The following CNTN3 variants were observed in gnomAD, a reference collection of about 807,000 sequenced individuals.
CNTN3 encodes the protein contactin 3, also known as contactin-3.
A neutral mutation model predicts 119.1 loss-of-function variants in CNTN3; 60 were observed. The ratio of observed to expected loss-of-function variants is 0.50; its 90% confidence interval spans 0.41 to 0.62. The LOEUF (loss-of-function observed/expected upper bound fraction) is 0.62, where lower values mean the gene tolerates loss of function less well. Ranked by LOEUF, CNTN3 falls within the 20% of genes least tolerant of loss-of-function variation. The probability of loss-of-function intolerance (pLI) is 0.00; values close to 1 mark genes in which losing one functional copy is unlikely to be tolerated. For missense variants in CNTN3, 1,101 were observed against 1,242.4 expected (o/e 0.89, Z 1.71); for synonymous variants, 450 against 438.7 (o/e 1.03, Z -0.32).
chr3:74,389,626 C>T (rs1704843014), intron 5 of CNTN3, among the ~76,000 whole-genome samples: 1 of 152,138 alleles, frequency 6.6e-6, no homozygotes, highest in South Asian at 2.1e-4. Context: ...ACCATCCCAT[C>T]AGGTAGTAGG....
At chr3:74,327,405 G>C (rs1183685445) in intron 13 of CNTN3, among the ~76,000 whole-genome samples, 1 of 152,012 alleles carries the variant, frequency 6.6e-6, no homozygotes, top group Non-Finnish European at 1.5e-5. Flanking sequence ...TCGTATTACA[G>C]GCATGAGCCA....
At chr3:74,303,853 C>T (rs144831731) in intron 13 of CNTN3, among the ~76,000 whole-genome samples, 2 of 152,180 alleles carry the variant, frequency 1.3e-5, no homozygotes, top group African/African-American at 4.8e-5. Context: ...AAATGACTAA[C>T]TGCAAGCCAG....
In CNTN3 at chr3:74,308,704, A is replaced by G. The variant is rs184443564; in HGVS notation, c.1669-5897T>C. On this transcript the variant is annotated intron_variant, in intron 13 of 22. Coordinates refer to ENST00000263665, the MANE Select transcript of CNTN3 (RefSeq NM_020872.3). ...GGATGCCTAGTCTGCTGTCCCAGCAATCTTAACCCAGTGTTTTCTACACTT... is the reference window on the plus strand; with the variant it reads ...GGATGCCTAGTCTGCTGTCCCAGCAGTCTTAACCCAGTGTTTTCTACACTT... Among the ~76,000 whole-genome samples, 84 of 152,204 alleles carry G rather than the reference A, an allele frequency of 5.5e-4. 2 individuals carry two copies. Among genetic ancestry groups the G allele is most frequent in the South Asian group, 4.1e-4 (2 of 4,820 alleles).
chr3:74,534,063 T>A (rs1229115757), intron 1 of CNTN3, among the ~76,000 whole-genome samples: 1 of 152,004 alleles, frequency 6.6e-6, no homozygotes, highest in African/African-American at 2.4e-5. Context: ...TCAGCTACCA[T>A]CCAGCCTGGC....
rs180722657 is a variant in CNTN3 at position 74,502,002 on chromosome 3, C to T, written c.56-2217G>A. On this transcript the variant is annotated intron_variant, in intron 2 of 22. Coordinates refer to ENST00000263665, the MANE Select transcript of CNTN3 (RefSeq NM_020872.3). ...AATTGAATTTATTGTCCTAGAAAGT[C>T]GAAAATATTTGTGATGTCTTTTTAC... 1.4e-3 allele frequency among the ~76,000 whole-genome samples: 212 copies of T among 152,038 alleles called. 1 individual carries two copies. The highest frequency in any genetic ancestry group is 2.6e-3 in the Non-Finnish European group (176 of 67,984).
intron 11 of CNTN3, among the ~76,000 whole-genome samples, chr3:74,340,499 C>T (rs925965532): frequency 4.6e-5 from 7 of 151,994 alleles, no homozygotes; most frequent in East Asian, 3.9e-4. Context: ...CCCATCTGAT[C>T]GCTAATCCCA....
chr3:74,500,821 A>C (rs1051839945), intron 2 of CNTN3, among the ~76,000 whole-genome samples: 1 of 152,098 alleles, frequency 6.6e-6, no homozygotes, highest in Non-Finnish European at 1.5e-5. Context: ...CTGAAATTCT[A>C]AAGTAAATTC....
chr3:74,369,841 T>G, intron 7 of CNTN3, 48 bp downstream of exon 7: 1 of 985,846 alleles, frequency 1.0e-6, no homozygotes, highest in Non-Finnish European at 1.6e-6. Context: ...TGATTTCTTA[T>G]AGCAACCTAA....
At chr3:74,365,800 G>A (rs370376241) in intron 8 of CNTN3, 98 bp from the exon 9 acceptor site, 23 of 1,348,744 alleles carry the variant, frequency 1.7e-5, no homozygotes, top group East Asian at 1.7e-4. Context: ...AATAGAAATG[G>A]ACATGATAAT....
intron 4 of CNTN3, among the ~76,000 whole-genome samples, chr3:74,455,317 T>C (rs7619384): frequency 0.72 from 108,670 of 151,732 alleles, 39,261 homozygotes; most frequent in African/African-American, 0.8. Flanking sequence ...CTTCTGAATT[T>C]TTCACGTAGT....
rs201791540 is a variant in CNTN3 at position 74,362,049 on chromosome 3, C to T, written c.1214-9G>A. The T allele has an allele frequency of 7.0e-5, 113 of 1,612,006 alleles. No homozygotes were observed. In the East Asian group the frequency reaches 2.3e-3, roughly 33 times the overall value. ...AAAATCTGGAGCAGAAGCTGAAAGG[C>T]AAGAAAGGAGAGAAGGAGAAGTGGA... On this transcript the variant is annotated splice_polypyrimidine_tract_variant and intron_variant, in intron 10 of 22. Coordinates refer to ENST00000263665, the MANE Select transcript of CNTN3 (RefSeq NM_020872.3).
chr3:74,525,440 A>G (rs1038440056), intron 1 of CNTN3, among the ~76,000 whole-genome samples: 9 of 151,834 alleles, frequency 5.9e-5, no homozygotes, highest in Admixed American at 5.3e-4. Context: ...ACTTCTCAGC[A>G]TTGCCATGTA....
At chr3:74,341,321 T>C (rs1279211266) in intron 11 of CNTN3, among the ~76,000 whole-genome samples, 1 of 152,168 alleles carries the variant, frequency 6.6e-6, no homozygotes, top group African/African-American at 2.4e-5. Context: ...TTATACCACT[T>C]CACTATAAAC....
At chr3:74,361,334 A>G (rs1441158508) in intron 11 of CNTN3, among the ~76,000 whole-genome samples, 1 of 152,186 alleles carries the variant, frequency 6.6e-6, no homozygotes, top group Non-Finnish European at 1.5e-5. Flanking sequence ...CACAGCACTG[A>G]GCAAGTAAAG....
intron 1 of CNTN3, among the ~76,000 whole-genome samples, chr3:74,527,638 T>C (rs1703638578): frequency 6.6e-6 from 1 of 151,954 alleles, no homozygotes; most frequent in African/African-American, 2.4e-5. Flanking sequence ...CCAACCGACA[T>C]GCTTCAAAAT....
chr3:74,540,031 G>A (rs911669702), intron 1 of CNTN3, among the ~76,000 whole-genome samples: 3 of 152,082 alleles, frequency 2.0e-5, no homozygotes, highest in African/African-American at 7.2e-5. Flanking sequence ...TACCACTCCA[G>A]GGGACAATGT....
intron 1 of CNTN3, among the ~76,000 whole-genome samples, chr3:74,573,568 A>T (rs1704368252): frequency 6.6e-6 from 1 of 152,146 alleles, no homozygotes; most frequent in Non-Finnish European, 1.5e-5. Flanking sequence ...GGTACTCAGA[A>T]TACATAAAGA....
intron 11 of CNTN3, among the ~76,000 whole-genome samples, chr3:74,346,180 C>T (rs1703683476): frequency 6.6e-6 from 1 of 151,868 alleles, no homozygotes; most frequent in Admixed American, 6.6e-5. Context: ...ATAAAATTAT[C>T]TAAACTAAGA....
At chr3:74,551,527 C>T (rs1575823963) in intron 1 of CNTN3, among the ~76,000 whole-genome samples, 1 of 152,030 alleles carries the variant, frequency 6.6e-6, no homozygotes, top group East Asian at 1.9e-4. Flanking sequence ...CTCTCGGTGT[C>T]CTACATTCTA....
Sources: gnomAD v4.1 joint callset for allele counts (sites outside exome capture counted in the v4.1 genomes callset) on GRCh38, gnomAD v4.1.1 for gene constraint, MANE v1.5 for transcripts, NCBI Gene and HGNC (gene_info 2026-07-23, HGNC 2026-07-21) for gene names.